The following BBOF1 variants were observed in gnomAD, a reference collection of about 807,000 sequenced individuals.
The protein encoded by BBOF1 is basal body orientation factor 1, also known as basal body-orientation factor 1.
In BBOF1, 62 loss-of-function variants were observed where a neutral mutation model predicts 68.0. The ratio of observed to expected loss-of-function variants is 0.91; its 90% CI spans 0.74 to 1.13. The LOEUF is 1.13. Ranked by LOEUF, BBOF1 falls within the 50% of genes most tolerant of loss-of-function variation. The pLI is 0.00. For missense variants in BBOF1, 534 were observed against 600.1 expected (o/e 0.89, Z 1.15); for synonymous variants, 208 against 198.8 (o/e 1.05, Z -0.39).
Position 74,026,444 on chromosome 14 carries a change from C to CAAA in BBOF1, c.286-2718_286-2716dup, listed in dbSNP as rs1166375665. ...GGGCAACAAGAGTGAAACTCCATCT[C>CAAA]AAAAAAAAAAAAAAAAAAAAAAAAG... is the stretch of plus-strand genomic sequence containing the variant. On this transcript the variant is annotated intron_variant, in intron 2 of 11. Coordinates refer to ENST00000394009, the MANE Select transcript of BBOF1 (RefSeq NM_025057.3). 8.2e-3 allele frequency among the ~76,000 whole-genome samples: 264 copies of CAAA among 32,228 alleles called. 2 individuals are homozygous for CAAA. In the Middle Eastern group the frequency reaches 0.11, roughly 13 times the overall value. 21.1% of individuals were successfully genotyped at this position (32,228 alleles called of 152,430 possible). A position where few individuals can be genotyped will look rare whatever the true frequency, so the allele number is the denominator to read the frequency against.
chr14:74,019,658 G>C (rs1347303976), intron 1 of BBOF1, 124 bp downstream of exon 1: 2 of 1,475,376 alleles, frequency 1.4e-6, no homozygotes, highest in South Asian at 1.3e-5. Flanking sequence ...CTCCCGGCTT[G>C]TGAGGATTAC....
chr14:74,082,204 C>G (rs968501355), intron 12 of BBOF1, among the ~76,000 whole-genome samples: 1 of 152,056 alleles, frequency 6.6e-6, no homozygotes, highest in South Asian at 2.1e-4. Context: ...GACCCTGTCT[C>G]GAACATTCCT....
downstream of BBOF1, chr14:74,068,953 G>A (rs375211888): frequency 5.6e-6 from 9 of 1,613,974 alleles, no homozygotes; most frequent in South Asian, 4.4e-5. Context: ...TTGCTTTGAT[G>A]TCCGGATGAT....
At chr14:74,073,665 C>G (rs570345547) in intron 9 of BBOF1, among the ~76,000 whole-genome samples, 2 of 151,912 alleles carry the variant, frequency 1.3e-5, no homozygotes, top group South Asian at 4.1e-4. Flanking sequence ...GCCTGTAATC[C>G]CAGCACTTTG....
chr14:74,022,799 A>C, intron 1 of BBOF1, 117 bp from the exon 2 acceptor site: 1 of 436,190 alleles, frequency 2.3e-6, no homozygotes, highest in Non-Finnish European at 4.0e-6. Flanking sequence ...AGGCAATGCC[A>C]AGCAAAACAA....
intron 6 of BBOF1, among the ~76,000 whole-genome samples, chr14:74,047,364 T>C (rs955032688): frequency 2.2e-4 from 33 of 152,152 alleles, no homozygotes; most frequent in African/African-American, 8.0e-4. Context: ...GACTCATACC[T>C]GCTCTTAACT....
chr14:74,041,180 G>A (rs897934246), intron 5 of BBOF1, among the ~76,000 whole-genome samples: 107 of 152,266 alleles, frequency 7.0e-4, no homozygotes, highest in African/African-American at 2.5e-3. Context: ...GCACATGCCT[G>A]TAGTCCCAGC....
chr14:74,032,567 C>T (rs2059597323), intron 3 of BBOF1, among the ~76,000 whole-genome samples: 1 of 149,290 alleles, frequency 6.7e-6, no homozygotes, highest in Non-Finnish European at 1.5e-5. Flanking sequence ...GATCTCAGCT[C>T]ACTGCAACCT....
chr14:74,029,374 T>C, intron 3 of BBOF1, 125 bp downstream of exon 3: 1 of 592,448 alleles, frequency 1.7e-6, no homozygotes. Flanking sequence ...ACCTTAAAGC[T>C]TGATTGTATA....
rs971445377 is a variant in BBOF1 at position 74,065,235 on chromosome 14, G to A, written c.*536G>A. 1.2e-5 allele frequency: 20 copies of A among 1,614,140 alleles called. No homozygotes were observed. The African/African-American group carries it at 2.4e-4, about 19-fold the overall frequency. ...TCCGAGCAGTGGCTCCATTGGTGGT[G>A]AAGATGGCAGTTCCATTTCCATATG... is the stretch of plus-strand genomic sequence containing the variant. On this transcript the variant is annotated 3_prime_UTR_variant, in exon 12 of 12. Coordinates refer to ENST00000394009, the MANE Select transcript of BBOF1 (RefSeq NM_025057.3).
At chr14:74,056,775 CACAAATACGT>C (rs2060219698) in intron 9 of BBOF1, 121 bp from the exon 10 acceptor site, 3 of 649,048 alleles carry the variant, frequency 4.6e-6, no homozygotes, top group Admixed American at 3.0e-5. Context: ...TCACGTACCC[CACAAATACGT>C]ATACCTACTA....
chr14:74,067,997 T>TTA (rs1555376961), downstream of BBOF1, among the ~76,000 whole-genome samples: 58 of 132,980 alleles, frequency 4.4e-4, no homozygotes, highest in East Asian at 0.01. Context: ...AGAGCAATGT[T>TTA]AAAAAAAAAA....
intron 9 of BBOF1, chr14:74,072,464 A>G (rs1024323624): frequency 2.0e-5 from 33 of 1,613,016 alleles, no homozygotes; most frequent in Admixed American, 8.3e-5. Flanking sequence ...ACAGACACCC[A>G]GGTCCCTTCT....
chr14:74,038,442 A>C (rs1412051103), intron 4 of BBOF1, among the ~76,000 whole-genome samples: 1 of 152,172 alleles, frequency 6.6e-6, no homozygotes, highest in African/African-American at 2.4e-5. Flanking sequence ...CCTAGTGGAG[A>C]AATAGATTTC....
chr14:74,080,369 T>TG (rs1325489328), intron 10 of BBOF1, among the ~76,000 whole-genome samples: 1 of 27,466 alleles, frequency 3.6e-5, no homozygotes, highest in Non-Finnish European at 6.1e-5. Flanking sequence ...AAACTCTTTC[T>TG]TTTTTTTTTT....
At chr14:74,048,542 C>G (rs1004356280) in intron 7 of BBOF1, 1 of 152,336 alleles carries the variant, frequency 6.6e-6, no homozygotes, top group African/African-American at 2.4e-5. Flanking sequence ...TGGCTTACAT[C>G]CTCAAACTCA....
intron 3 of BBOF1, among the ~76,000 whole-genome samples, chr14:74,032,693 A>T (rs546336021): frequency 1.4e-5 from 2 of 144,938 alleles, no homozygotes; most frequent in Admixed American, 7.0e-5. Flanking sequence ...GGGGTTTCAC[A>T]ATGTTGGCCA....
chr14:74,062,614 CAAAA>C (rs2060372988), intron 11 of BBOF1, among the ~76,000 whole-genome samples: 1 of 152,030 alleles, frequency 6.6e-6, no homozygotes, highest in South Asian at 2.1e-4. Flanking sequence ...AACCCCAAAA[CAAAA>C]AACCAAAAGC....
intron 12 of BBOF1, among the ~76,000 whole-genome samples, chr14:74,081,931 G>A (rs1482705146): frequency 1.3e-5 from 2 of 152,138 alleles, no homozygotes; most frequent in African/African-American, 4.8e-5. Flanking sequence ...TCTTGCCCAG[G>A]TGCAGCGGTT....
Sources: gnomAD v4.1 joint callset for allele counts (sites outside exome capture counted in the v4.1 genomes callset) on GRCh38, gnomAD v4.1.1 for gene constraint, MANE v1.5 for transcripts, NCBI Gene and HGNC (gene_info 2026-07-23, HGNC 2026-07-21) for gene names.